The following SLC2A10 variants were observed in gnomAD, a reference collection of about 807,000 sequenced individuals.
SLC2A10 encodes solute carrier family 2, facilitated glucose transporter member 10.
Under a neutral mutation model 32.1 loss-of-function variants are expected in SLC2A10, and 25 were observed. The ratio of observed to expected loss-of-function variants is 0.78; its 90% confidence interval spans 0.57 to 1.09. The LOEUF (loss-of-function observed/expected upper bound fraction) is 1.09. Ranked by LOEUF, SLC2A10 falls within the 50% of genes least tolerant of loss-of-function variation. The pLI is 0.00. For missense variants in SLC2A10, 673 were observed against 686.5 expected (o/e 0.98, Z 0.22); for synonymous variants, 332 against 309.6 (o/e 1.07, Z -0.76).
chr20:46,726,414 G>A (rs1979966343), intron 2 of SLC2A10, 90 bp downstream of exon 2: 6 of 1,539,534 alleles, frequency 3.9e-6, no homozygotes, highest in Middle Eastern at 1.7e-4. Context: ...GACCTGGCAG[G>A]GTGTCAGTGG....
chr20:46,726,046 G>C lies in SLC2A10; in HGVS notation c.1010G>C (p.Gly337Ala), dbSNP rs150745395. Residue 337 changes from glycine (G) to alanine (A), a missense_variant, in exon 2 of 5, where the codon GGG becomes GCG. Coordinates refer to ENST00000359271, the MANE Select transcript of SLC2A10 (RefSeq NM_030777.4). ...PSCLAVPNAT[G>A]QTGLPGDSGL... ...TGTCTGGCTGTGCCCAATGCCACCG[G>C]GCAGACAGGCCTCCCTGGAGACTCT... 192 of 1,614,150 alleles carry C rather than the reference G, an allele frequency of 1.2e-4. No homozygotes were observed. In the African/African-American group the frequency reaches 2.5e-3, roughly 21 times the overall value.
At chr20:46,724,964 A>G in intron 1 of SLC2A10, 77 bp from the exon 2 acceptor site, 1 of 1,599,678 alleles carries the variant, frequency 6.3e-7, no homozygotes, top group Non-Finnish European at 8.5e-7. Context: ...GTGTTGACAG[A>G]TGGAGGGAAG....
intron 1 of SLC2A10, among the ~76,000 whole-genome samples, chr20:46,715,749 GT>G (rs1304485894): frequency 6.6e-6 from 1 of 152,172 alleles, no homozygotes; most frequent in African/African-American, 2.4e-5. Flanking sequence ...TTTCACCAAG[GT>G]TTTATAATGG....
upstream of SLC2A10, chr20:46,709,632 GGC>G: frequency 7.1e-7 from 1 of 1,412,806 alleles, no homozygotes; most frequent in Non-Finnish European, 9.5e-7. Context: ...CAGAGGCGGG[GGC>G]GGGCCGGAAA....
intron 4 of SLC2A10, among the ~76,000 whole-genome samples, chr20:46,732,051 C>G (rs933226004): frequency 7.9e-5 from 12 of 152,310 alleles, no homozygotes; most frequent in African/African-American, 2.6e-4. Context: ...GAGCCGTCAC[C>G]CACTGCTGTA....
At chr20:46,723,295 T>A (rs1315389134) in intron 1 of SLC2A10, among the ~76,000 whole-genome samples, 1 of 152,086 alleles carries the variant, frequency 6.6e-6, no homozygotes, top group Admixed American at 6.6e-5. Flanking sequence ...GCAAAAAAGA[T>A]CTAGCCAGCT....
At chr20:46,724,918 G>T (rs1425210581) in intron 1 of SLC2A10, 123 bp from the exon 2 acceptor site, 8 of 1,212,116 alleles carry the variant, frequency 6.6e-6, no homozygotes, top group Non-Finnish European at 9.3e-6. Context: ...TGAATGGATG[G>T]TTGAATAGAT....
At chr20:46,732,045 C>G (rs897781713) in intron 4 of SLC2A10, among the ~76,000 whole-genome samples, 3 of 152,176 alleles carry the variant, frequency 2.0e-5, no homozygotes, top group Non-Finnish European at 4.4e-5. Flanking sequence ...CCGGTAGAGC[C>G]GTCACCCACT....
intron 1 of SLC2A10, among the ~76,000 whole-genome samples, chr20:46,721,466 C>G (rs544790559): frequency 3.3e-5 from 5 of 149,656 alleles, no homozygotes; most frequent in African/African-American, 9.8e-5. Context: ...GAGAGAGAGA[C>G]ATTGCAGGTT....
At chr20:46,718,610 G>A (rs1024310640) in intron 1 of SLC2A10, among the ~76,000 whole-genome samples, 1 of 151,602 alleles carries the variant, frequency 6.6e-6, no homozygotes, top group African/African-American at 2.4e-5. Flanking sequence ...TTTTTTATGT[G>A]GGCCTTTTAT....
Position 46,733,918 on chromosome 20 carries a change from G to T in SLC2A10, c.*84G>T, listed in dbSNP as rs1043504379. 2 of 1,353,330 alleles carry T rather than the reference G, an allele frequency of 1.5e-6. No homozygotes were observed. The highest frequency in any genetic ancestry group is 1.4e-5 in the African/African-American group (1 of 69,236). 83.8% of individuals were successfully genotyped at this position (1,353,330 alleles called of 1,614,324 possible). On this transcript the variant is annotated 3_prime_UTR_variant, in exon 5 of 5. Coordinates refer to ENST00000359271, the MANE Select transcript of SLC2A10 (RefSeq NM_030777.4). ...CTGCTTCCTAGGCCCCAGAGCACAAGTTCCAGCTGGTCTTTTGGGAGTGGC... is the reference window on the plus strand; with the variant it reads ...CTGCTTCCTAGGCCCCAGAGCACAATTTCCAGCTGGTCTTTTGGGAGTGGC...
intron 1 of SLC2A10, among the ~76,000 whole-genome samples, chr20:46,714,246 G>A (rs557868358): frequency 1.8e-4 from 28 of 152,254 alleles, no homozygotes; most frequent in African/African-American, 4.6e-4. Flanking sequence ...AAACACACCC[G>A]GTCCGACTCT....
At chr20:46,715,281 C>G (rs965527817) in intron 1 of SLC2A10, among the ~76,000 whole-genome samples, 5 of 151,954 alleles carry the variant, frequency 3.3e-5, no homozygotes, top group Non-Finnish European at 7.4e-5. Context: ...GCCTTATTGT[C>G]CATTTCAACT....
At position 46,734,743 on chromosome 20, in the gene SLC2A10, G is replaced by C. The variant is rs1260277144; in HGVS notation, c.*909G>C. 1.3e-5 allele frequency: 2 copies of C among 152,494 alleles called. No individual in the cohort carries two copies. Among genetic ancestry groups the C allele is most frequent in the African/African-American group, 2.4e-5 (1 of 41,428 alleles). 9.4% of individuals were successfully genotyped at this position (152,494 alleles called of 1,614,324 possible). ...TTTGTATAATGGGAAGCCTGTACCA[G>C]GTCATTCTTAAGATTTCTCCTGACT... On this transcript the variant is annotated 3_prime_UTR_variant, in exon 5 of 5. Transcript: ENST00000359271.
Position 46,726,299 on chromosome 20 carries a change from T to G in SLC2A10, c.1263T>G (p.Ser421Arg), listed in dbSNP as rs772565288. The G allele has an allele frequency of 6.2e-7, 1 of 1,611,230 alleles. No individual in the cohort carries two copies. The highest frequency in any genetic ancestry group is 1.1e-5 in the South Asian group (1 of 91,090). ...TALLCLMVFVSAFSFGFGPVT... is the reference protein window; with the variant it reads ...TALLCLMVFVRAFSFGFGPVT... ...TGCTGTGCCTGATGGTCTTTGTCAGTGCCTTCTCCTTTGGGTTTGGGCCAG... is the reference window on the plus strand; with the variant it reads ...TGCTGTGCCTGATGGTCTTTGTCAGGGCCTTCTCCTTTGGGTTTGGGCCAG... Residue 421 changes from serine (S) to arginine (R), a missense_variant, in exon 2 of 5, where the codon AGT becomes AGG. Ser to Arg is a moderately radical substitution (Grantham distance 110). Transcript: ENST00000359271.
Position 46,726,937 on chromosome 20 carries a change from C to G in SLC2A10, c.1362C>G (p.Phe454Leu). The change falls in exon 3 of 5, where the codon TTC becomes TTG. Residue 454 changes from phenylalanine to leucine, a missense_variant. Coordinates refer to ENST00000359271, the MANE Select transcript of SLC2A10 (RefSeq NM_030777.4). ...RGRAFAFCNS[F>L]NWAANLFISL... ...GAGCCTTCGCCTTCTGCAACAGCTT[C>G]AACTGGGCGGCCAACCTCTTCATCA... 3 of 1,614,232 alleles carry G rather than the reference C, an allele frequency of 1.9e-6. No homozygotes were observed. The East Asian group carries it at 6.7e-5, about 36-fold the overall frequency.
At position 46,725,811 on chromosome 20, in the gene SLC2A10, A is replaced by C. The variant is rs1230237775; in HGVS notation, c.775A>C (p.Ser259Arg). 6.2e-7 allele frequency: 1 copy of C among 1,614,090 alleles called. No homozygotes were observed. The highest frequency in any genetic ancestry group is 8.5e-7 in the Non-Finnish European group (1 of 1,180,038). ...NVLCYASTIF[S>R]SVGFHGGSSA... The stretch of plus-strand genomic sequence containing the variant: ...GCTGTGCTATGCCTCCACCATCTTC[A>C]GCTCCGTTGGTTTCCATGGGGGATC... The change falls in exon 2 of 5, where the codon AGC becomes CGC. Residue 259 changes from serine to arginine, a missense_variant. Physicochemically the swap from Ser to Arg is moderately radical, Grantham distance 110. Transcript: ENST00000359271.
rs1334989775 is a variant in SLC2A10, at chr20:46,729,480, G to A, written c.1539G>A (p.Gln513=). The change falls in exon 4 of 5, where the codon CAG becomes CAA. Residue 513 remains glutamine (Q), a synonymous_variant. Transcript: ENST00000359271. ...TGGCAGAGATAGACCAGCAGTTCCA[G>A]AAGAGACGGTAGGAAGCTGACAGGG... ...QSLAEIDQQF[Q]KRRFTLSFGH... 6.2e-7 allele frequency: 1 copy of A among 1,614,102 alleles called. No homozygotes were observed. The highest frequency in any genetic ancestry group is 8.5e-7 in the Non-Finnish European group (1 of 1,180,014).
intron 4 of SLC2A10, among the ~76,000 whole-genome samples, chr20:46,730,036 T>G (rs1284700582): frequency 6.6e-6 from 1 of 152,156 alleles, no homozygotes; most frequent in Admixed American, 6.5e-5. Flanking sequence ...TCATGGGGAT[T>G]TAAAAATCAT....
Sources: gnomAD v4.1 joint callset for allele counts (sites outside exome capture counted in the v4.1 genomes callset) on GRCh38, gnomAD v4.1.1 for gene constraint, MANE v1.5 for transcripts, NCBI Gene and HGNC (gene_info 2026-07-23, HGNC 2026-07-21) for gene names.